Variants in PCGF5 observed in about 807,000 individuals in gnomAD.
PCGF5 encodes polycomb group RING finger protein 5.
A neutral mutation model predicts 44.3 loss-of-function variants in PCGF5; 9 were observed. The ratio of observed to expected loss-of-function variants is 0.20; its 90% CI spans 0.12 to 0.35. The LOEUF (loss-of-function observed/expected upper bound fraction) is 0.35, where lower values mean the gene tolerates loss of function less well. PCGF5 is among the 10% of genes least tolerant of loss of function. PCGF5 has a pLI of 1.00. For synonymous variants in PCGF5, 95 were observed against 102.5 expected, an observed-to-expected ratio of 0.93 and a Z score of 0.44; for missense variants, 146 against 305.3, an observed-to-expected ratio of 0.48 and a Z score of 3.89.
chr10:91,253,122 C>G (rs1845660772), intron 6 of PCGF5, among the ~76,000 whole-genome samples: 2 of 151,876 alleles, frequency 1.3e-5, no homozygotes, highest in South Asian at 4.2e-4. Context: ...CTAATACTTT[C>G]TCTGTATCTA....
At chr10:91,161,208 C>T (rs1843376188), upstream of PCGF5, among the ~76,000 whole-genome samples, 1 of 152,242 alleles carries the variant, frequency 6.6e-6, no homozygotes, top group Admixed American at 6.5e-5. Flanking sequence ...CCAGCAGTTG[C>T]TAATCTCAGG....
chr10:91,266,322 T>G (rs150758131), intron 8 of PCGF5, among the ~76,000 whole-genome samples: 144 of 152,260 alleles, frequency 9.5e-4, no homozygotes, highest in African/African-American at 3.2e-3. Flanking sequence ...TTACAAGAAC[T>G]CCTCCCAAAG....
At chr10:91,213,358 G>A (rs1236619287) in intron 1 of PCGF5, among the ~76,000 whole-genome samples, 1 of 152,288 alleles carries the variant, frequency 6.6e-6, no homozygotes, top group Non-Finnish European at 1.5e-5. Context: ...ATATACGTAT[G>A]CATAAGTAAC....
chr10:91,191,177 TAAC>T lies in PCGF5; in HGVS notation c.-184+28109_-184+28111del, dbSNP rs555804566. ...TTACAAATTAGGCACAGTAAAAGAT[TAAC>T]AACAACAACAACTAATAAAATAGAA... On this transcript the variant is annotated intron_variant, in intron 1 of 9. Coordinates refer to the PCGF5 transcript ENST00000614189. 7.9e-5 allele frequency among the ~76,000 whole-genome samples: 12 copies of T among 152,270 alleles called. No individual in the cohort carries two copies. The East Asian group carries it at 1.9e-3, about 24-fold the overall frequency.
chr10:91,284,284 A>G lies in PCGF5; in HGVS notation c.*5968A>G, dbSNP rs1846525611. ...AATTTATTATTGTTTGTCATCTTTAATATTAGTCACTGTAGATTGCAGCCT... is the reference window on the plus strand; with the variant it reads ...AATTTATTATTGTTTGTCATCTTTAGTATTAGTCACTGTAGATTGCAGCCT... On this transcript the variant is annotated 3_prime_UTR_variant, in exon 10 of 10. Coordinates refer to ENST00000336126, the MANE Select transcript of PCGF5 (RefSeq NM_032373.5). 1 of 152,556 alleles carries G rather than the reference A, an allele frequency of 6.6e-6. No homozygotes were observed. The highest frequency in any genetic ancestry group is 1.5e-5 in the Non-Finnish European group (1 of 68,024). 9.5% of individuals were successfully genotyped at this position (152,556 alleles called of 1,614,324 possible).
intron 1 of PCGF5, among the ~76,000 whole-genome samples, chr10:91,198,554 G>A (rs753811064): frequency 2.0e-5 from 3 of 152,192 alleles, no homozygotes; most frequent in Non-Finnish European, 4.4e-5. Context: ...CATTGGCAAA[G>A]CAGCATCACT....
intron 3 of PCGF5, among the ~76,000 whole-genome samples, chr10:91,242,376 A>C (rs1283136364): frequency 6.6e-6 from 1 of 151,980 alleles, no homozygotes; most frequent in Non-Finnish European, 1.5e-5. Flanking sequence ...ATGAAAGATT[A>C]TTACCAACTG....
intron 2 of PCGF5, among the ~76,000 whole-genome samples, chr10:91,234,519 C>T (rs1175130839): frequency 3.3e-5 from 5 of 152,082 alleles, no homozygotes; most frequent in Admixed American, 1.3e-4. Flanking sequence ...GTAGAAATGG[C>T]GGCAGGGAAT....
intron 3 of PCGF5, among the ~76,000 whole-genome samples, chr10:91,244,046 C>A (rs904192578): frequency 6.6e-6 from 1 of 152,006 alleles, no homozygotes; most frequent in African/African-American, 2.4e-5. Context: ...AAGATCTTTG[C>A]CCTTGTAGAT....
chr10:91,160,851 C>T (rs1052189037), upstream of PCGF5, among the ~76,000 whole-genome samples: 14 of 152,178 alleles, frequency 9.2e-5, no homozygotes, highest in African/African-American at 1.7e-4. Flanking sequence ...CTGCGGAATC[C>T]GGCCTAAAGG....
At chr10:91,272,544 G>A (rs9651432) in intron 9 of PCGF5, among the ~76,000 whole-genome samples, 19,006 of 151,970 alleles carry the variant, frequency 0.13, 2,189 homozygotes, top group African/African-American at 0.3. Flanking sequence ...AGACTGAGGC[G>A]GGCAGATCTC....
At chr10:91,171,457 A>G (rs1336181242) in intron 1 of PCGF5, among the ~76,000 whole-genome samples, 1 of 152,190 alleles carries the variant, frequency 6.6e-6, no homozygotes, top group East Asian at 1.9e-4. Context: ...AGTTGCTAGA[A>G]GGCCTTAGCC....
At chr10:91,264,783 A>G (rs920110485) in intron 8 of PCGF5, among the ~76,000 whole-genome samples, 14 of 152,208 alleles carry the variant, frequency 9.2e-5, no homozygotes, top group African/African-American at 3.4e-4. Context: ...ACCAAGACAG[A>G]GAAAATGACA....
intron 3 of PCGF5, among the ~76,000 whole-genome samples, chr10:91,245,429 A>G (rs1845435202): frequency 6.6e-6 from 1 of 152,130 alleles, no homozygotes; most frequent in Admixed American, 6.5e-5. Context: ...AGCAACAGTG[A>G]GTATAGTATT....
intron 1 of PCGF5, among the ~76,000 whole-genome samples, chr10:91,203,300 T>G (rs1283723358): frequency 6.6e-6 from 1 of 152,314 alleles, no homozygotes; most frequent in East Asian, 1.9e-4. Flanking sequence ...CTTGGAGCAC[T>G]TAAGACACCA....
intron 1 of PCGF5, among the ~76,000 whole-genome samples, chr10:91,193,648 G>A (rs1184151078): frequency 6.6e-6 from 1 of 152,046 alleles, no homozygotes; most frequent in Non-Finnish European, 1.5e-5. Flanking sequence ...AAGGGCTTTG[G>A]CTTTTGTTCC....
chr10:91,226,258 A>C (rs1416919616), intron 2 of PCGF5, among the ~76,000 whole-genome samples: 1 of 143,548 alleles, frequency 7.0e-6, no homozygotes, highest in Non-Finnish European at 1.5e-5. Context: ...TCTCTGGTCA[A>C]GTGAAGAAAG....
chr10:91,229,301 G>C (rs1163975191), intron 2 of PCGF5, among the ~76,000 whole-genome samples: 1 of 152,166 alleles, frequency 6.6e-6, no homozygotes, highest in Non-Finnish European at 1.5e-5. Context: ...CAGACAATAA[G>C]TAAGTAAAGT....
chr10:91,243,362 A>G (rs1845378880), intron 3 of PCGF5, among the ~76,000 whole-genome samples: 1 of 152,210 alleles, frequency 6.6e-6, no homozygotes, highest in Non-Finnish European at 1.5e-5. Flanking sequence ...CAGCCAGAAC[A>G]TAATTGGATT....
Sources: gnomAD v4.1 joint callset for allele counts (sites outside exome capture counted in the v4.1 genomes callset) on GRCh38, gnomAD v4.1.1 for gene constraint, MANE v1.5 for transcripts, NCBI Gene and HGNC (gene_info 2026-07-23, HGNC 2026-07-21) for gene names.